The following BCL7C variants were observed in gnomAD, a reference collection of about 807,000 sequenced individuals.
BCL7C encodes the protein BAF chromatin remodeling complex subunit BCL7C.
BCL7C carries 8 observed loss-of-function variants against 26.2 expected under a neutral mutation model. The ratio of observed to expected loss-of-function variants is 0.30; its 90% confidence interval spans 0.18 to 0.55. The LOEUF is 0.55. BCL7C is among the 20% of genes least tolerant of loss of function. BCL7C has a pLI of 0.93. For missense variants in BCL7C, 262 were observed against 298.5 expected (o/e 0.88, Z 0.90); for synonymous variants, 90 against 116.5 (o/e 0.77, Z 1.47).
intron 5 of BCL7C, among the ~76,000 whole-genome samples, chr16:30,856,298 G>A (rs926964463): frequency 6.6e-6 from 1 of 151,700 alleles, no homozygotes; most frequent in East Asian, 1.9e-4. Context: ...AAAATGAGCT[G>A]AGCATGGTGG....
At chr16:30,843,580 T>G (rs1018987604) in intron 5 of BCL7C, among the ~76,000 whole-genome samples, 3 of 149,760 alleles carry the variant, frequency 2.0e-5, no homozygotes, top group African/African-American at 7.4e-5. Context: ...AAAAAAAAAG[T>G]TGGTGTGAAG....
chr16:30,892,657 G>A lies in BCL7C; in HGVS notation c.371C>T (p.Pro124Leu), dbSNP rs147564780. The A allele has an allele frequency of 1.2e-6, 2 of 1,613,460 alleles. No individual in the cohort carries two copies. The highest frequency in any genetic ancestry group is 1.3e-5 in the African/African-American group (1 of 74,920). Reference protein sequence around the residue: ...SPGGTPQPSRPVSPAGPPEGV... With the variant: ...SPGGTPQPSRLVSPAGPPEGV... Reference sequence around the variant, plus strand: ...TTCTGGGGGTCCGGCAGGTGACACAGGGCGGCTGGGCTGGGGGGTGCCCCC... The same window carrying A: ...TTCTGGGGGTCCGGCAGGTGACACAAGGCGGCTGGGCTGGGGGGTGCCCCC... The change falls in exon 4 of 6, where the codon CCT (proline) becomes CTT (leucine). Residue 124 changes from proline (P) to leucine (L), a missense_variant. Coordinates refer to ENST00000215115, the MANE Select transcript of BCL7C (RefSeq NM_004765.4).
At chr16:30,859,618 A>G (rs1310673942) in intron 5 of BCL7C, among the ~76,000 whole-genome samples, 1 of 150,050 alleles carries the variant, frequency 6.7e-6, no homozygotes, top group East Asian at 1.9e-4. Flanking sequence ...CTGATACGAT[A>G]TATTCTCCCC....
At chr16:30,877,441 G>T (rs1445579100) in intron 5 of BCL7C, among the ~76,000 whole-genome samples, 1 of 101,084 alleles carries the variant, frequency 9.9e-6, no homozygotes, top group East Asian at 5.1e-4. Flanking sequence ...CCTGAGTCCA[G>T]ATTTTTTTTT....
chr16:30,850,209 C>CAAAAAAAAAAAAAAAAA (rs778231654), intron 5 of BCL7C, among the ~76,000 whole-genome samples: 1 of 86,564 alleles, frequency 1.2e-5, no homozygotes, highest in Non-Finnish European at 2.3e-5. Flanking sequence ...GACTCCATCT[C>CAAAAAAAAAAAAAAAAA]AAAAAAAAAA....
At chr16:30,888,811 C>T (rs749438291) in intron 5 of BCL7C, 49 bp downstream of exon 5, 1 of 1,574,552 alleles carries the variant, frequency 6.4e-7, no homozygotes. Context: ...CTGCCCAGAT[C>T]CCCCATTCCC....
At chr16:30,835,583 C>T (rs1425899268) in intron 5 of BCL7C, among the ~76,000 whole-genome samples, 8 of 152,142 alleles carry the variant, frequency 5.3e-5, no homozygotes, top group Non-Finnish European at 1.2e-4. Flanking sequence ...CGGTGGCTCA[C>T]GCCTGTAATC....
chr16:30,862,073 G>A (rs747525717), intron 5 of BCL7C, among the ~76,000 whole-genome samples: 15 of 151,682 alleles, frequency 9.9e-5, no homozygotes, highest in Non-Finnish European at 2.1e-4. Context: ...CTCCAACCTC[G>A]TGATCCGCTG....
At chr16:30,868,511 C>T (rs1238352533) in intron 5 of BCL7C, among the ~76,000 whole-genome samples, 2 of 150,754 alleles carry the variant, frequency 1.3e-5, no homozygotes, top group East Asian at 2.0e-4. Flanking sequence ...ATAGGCCAGG[C>T]GCGGTGGCTC....
chr16:30,887,733 T>G, downstream of BCL7C: 1 of 1,401,454 alleles, frequency 7.1e-7, no homozygotes, highest in South Asian at 1.5e-5. Context: ...CAATGGTGCA[T>G]GAGACAAAAC....
At chr16:30,857,904 G>A (rs2151369485) in intron 5 of BCL7C, among the ~76,000 whole-genome samples, 1 of 151,522 alleles carries the variant, frequency 6.6e-6, no homozygotes, top group South Asian at 2.1e-4. Context: ...CTAAGAGGTG[G>A]AGGTTGCAGT....
chr16:30,891,921 A>C (rs2055244205), intron 4 of BCL7C, among the ~76,000 whole-genome samples: 1 of 146,820 alleles, frequency 6.8e-6, no homozygotes, highest in South Asian at 2.3e-4. Context: ...CTATGATTGC[A>C]CCAGAGTACT....
chr16:30,891,572 A>C (rs2055237441), intron 4 of BCL7C, among the ~76,000 whole-genome samples: 1 of 152,212 alleles, frequency 6.6e-6, no homozygotes, highest in African/African-American at 2.4e-5. Flanking sequence ...TATTATTGTT[A>C]ATCACCCCTA....
chr16:30,848,048 T>C (rs937872076), intron 5 of BCL7C, among the ~76,000 whole-genome samples: 4 of 151,816 alleles, frequency 2.6e-5, no homozygotes, highest in African/African-American at 9.7e-5. Context: ...CCAGATGTAA[T>C]GTGTTAGCTT....
At chr16:30,842,097 G>A (rs574617010) in intron 5 of BCL7C, among the ~76,000 whole-genome samples, 28 of 151,772 alleles carry the variant, frequency 1.8e-4, no homozygotes, top group Admixed American at 1.1e-3. Flanking sequence ...CCCAAGGTCC[G>A]TGCAGGTTAC....
In BCL7C at chr16:30,893,585, G is replaced by A. The variant is rs2055293433; in HGVS notation, c.92+268C>T. Among the ~76,000 whole-genome samples, 1 of 152,056 alleles carries A rather than the reference G, an allele frequency of 6.6e-6. No homozygotes were observed. The highest frequency in any genetic ancestry group is 2.4e-5 in the African/African-American group (1 of 41,402). On this transcript the variant is annotated intron_variant, in intron 1 of 5. Coordinates refer to ENST00000215115, the MANE Select transcript of BCL7C (RefSeq NM_004765.4). The surrounding 1 kb of genome is among the most constrained non-coding windows in gnomAD (Gnocchi z 5.2). ...CGGGATCAGAGCCCTGCAGATCCTGGGGCGCACCTGCAGGAGGGGTGTCAA... is the reference window on the plus strand; with the variant it reads ...CGGGATCAGAGCCCTGCAGATCCTGAGGCGCACCTGCAGGAGGGGTGTCAA...
chr16:30,848,600 G>T (rs1246270687), intron 5 of BCL7C, among the ~76,000 whole-genome samples: 1 of 151,904 alleles, frequency 6.6e-6, no homozygotes, highest in East Asian at 1.9e-4. Flanking sequence ...TTGAAAGTAG[G>T]GTATTGAGGC....
At chr16:30,843,258 A>G (rs938698831) in intron 5 of BCL7C, among the ~76,000 whole-genome samples, 2 of 152,188 alleles carry the variant, frequency 1.3e-5, no homozygotes, top group African/African-American at 4.8e-5. Context: ...GAGGAAGACA[A>G]TGTAGCAAGA....
intron 5 of BCL7C, among the ~76,000 whole-genome samples, chr16:30,848,261 C>T (rs1010124602): frequency 3.9e-5 from 6 of 152,070 alleles, no homozygotes. Context: ...ATGAGAGGAC[C>T]CAGAAGGCAC....
Sources: allele counts gnomAD v4.1 joint callset (sites outside exome capture counted in the v4.1 genomes callset), GRCh38; gene constraint gnomAD v4.1.1; non-coding constraint Gnocchi (gnomAD v3.1); transcripts MANE v1.5; gene names NCBI Gene and HGNC (gene_info 2026-07-23, HGNC 2026-07-21).